VWA8: variants seen among roughly 807,000 people sequenced by gnomAD.
The protein encoded by VWA8 is von Willebrand factor A domain-containing protein 8.
VWA8 carries 221 observed loss-of-function variants against 241.5 expected under a neutral mutation model. That is an observed-to-expected ratio of 0.91 (90% CI 0.82 to 1.02). The LOEUF is 1.02. Ranked by LOEUF, VWA8 falls within the 50% of genes least tolerant of loss-of-function variation. VWA8 has a pLI of 0.00. For missense variants in VWA8, 2,322 were observed against 2,328.7 expected, an observed-to-expected ratio of 1.00 and a Z score of 0.06; for synonymous variants, 852 against 827.1, an observed-to-expected ratio of 1.03 and a Z score of -0.52.
intron 21 of VWA8, among the ~76,000 whole-genome samples, chr13:41,743,510 C>T (rs1218084535): frequency 2.6e-5 from 4 of 152,188 alleles, no homozygotes; most frequent in Non-Finnish European, 5.9e-5. Context: ...ATCAAATCTG[C>T]ATTGGGTCAA....
intron 1 of VWA8, among the ~76,000 whole-genome samples, chr13:41,959,582 C>T (rs557328404): frequency 7.7e-6 from 1 of 129,380 alleles, no homozygotes; most frequent in African/African-American, 2.8e-5. Context: ...ATGAATAAAA[C>T]GAAATACGTG....
intron 26 of VWA8, among the ~76,000 whole-genome samples, chr13:41,710,883 T>A (rs1160597235): frequency 1.3e-5 from 2 of 152,186 alleles, no homozygotes; most frequent in Non-Finnish European, 2.9e-5. Flanking sequence ...CTCTGATACT[T>A]TGAAGACTCC....
At position 41,865,935 on chromosome 13, in the gene VWA8, G is replaced by T. The variant is rs775444732; in HGVS notation, c.1314C>A (p.His438Gln). 1 of 1,614,220 alleles carries T rather than the reference G, an allele frequency of 6.2e-7. No homozygotes were observed. The highest frequency in any genetic ancestry group is 8.5e-7 in the Non-Finnish European group (1 of 1,180,034). Reference protein sequence around the residue: ...KQLQAEMMQSHMVKDICLIGG... With the variant: ...KQLQAEMMQSQMVKDICLIGG... Reference sequence around the variant, plus strand: ...CAATTAAACATATATCTTTAACCATGTGAGACTGCATCATTTCAGCCTGTA... The same window carrying T: ...CAATTAAACATATATCTTTAACCATTTGAGACTGCATCATTTCAGCCTGTA... Residue 438 changes from histidine to glutamine, a missense_variant, in exon 11 of 45, where the codon CAC (histidine) becomes CAA (glutamine). Physicochemically the swap from His to Gln is conservative, Grantham distance 24. Transcript: ENST00000379310.
chr13:41,880,960 C>G (rs1874141984), intron 9 of VWA8, among the ~76,000 whole-genome samples: 2 of 152,314 alleles, frequency 1.3e-5, no homozygotes, highest in Middle Eastern at 3.4e-3. Context: ...TTAACTGCCA[C>G]TCTGATGGTT....
chr13:41,665,580 TAATGTAAGTACTTA>T (rs1368515230), intron 37 of VWA8, among the ~76,000 whole-genome samples: 1 of 151,942 alleles, frequency 6.6e-6, no homozygotes, highest in African/African-American at 2.4e-5. Context: ...AGTAAGTACT[TAATGTAAGTACTTA>T]AATGTAAGTG....
chr13:41,942,204 T>C (rs1196344386), intron 2 of VWA8, among the ~76,000 whole-genome samples: 2 of 152,116 alleles, frequency 1.3e-5, no homozygotes, highest in Non-Finnish European at 2.9e-5. Flanking sequence ...CCTATTAAAA[T>C]AACACACTTA....
At chr13:41,696,000 T>C (rs1204820557) in intron 29 of VWA8, 1 of 152,206 alleles carries the variant, frequency 6.6e-6, no homozygotes. Context: ...TTAAAATAAA[T>C]ATTCCAAATG....
At chr13:41,580,423 G>A (rs1156303847) in intron 42 of VWA8, among the ~76,000 whole-genome samples, 1 of 152,222 alleles carries the variant, frequency 6.6e-6, no homozygotes, top group African/African-American at 2.4e-5. Flanking sequence ...ACTGGAAAGA[G>A]ATTAATTGCA....
Position 41,816,735 on chromosome 13 carries a change from G to T in VWA8, c.1910C>A (p.Ser637Ter). The change falls in exon 16 of 45, where the codon TCA becomes TAA. Residue 637 changes from serine (S) to a stop codon, truncating the protein, a stop_gained. Coordinates refer to ENST00000379310, the MANE Select transcript of VWA8 (RefSeq NM_015058.2). LOFTEE classifies it high-confidence loss of function. Reference sequence around the variant, plus strand: ...TGTTTCTCTGAGTTTGTGTGTAAATGATAATAACTTATCCAGAGCTTCCTG... The same window carrying T: ...TGTTTCTCTGAGTTTGTGTGTAAATTATAATAACTTATCCAGAGCTTCCTG... The part of the protein sequence containing the change: ...VPQEALDKLL[S>*]FTHKLRETQD... 6.2e-7 allele frequency: 1 copy of T among 1,613,650 alleles called. No individual in the cohort carries two copies. The highest frequency in any genetic ancestry group is 1.1e-5 in the South Asian group (1 of 91,034).
intron 10 of VWA8, among the ~76,000 whole-genome samples, chr13:41,866,403 GTA>G (rs1491436749): frequency 6.7e-6 from 1 of 148,898 alleles, no homozygotes; most frequent in Non-Finnish European, 1.5e-5. Context: ...GTGTGTGTGT[GTA>G]TATGTGTGTG....
Position 41,891,438 on chromosome 13 carries a change from A to G in VWA8, c.633T>C (p.Arg211=). The G allele has an allele frequency of 6.2e-7, 1 of 1,614,160 alleles. No homozygotes were observed. Among genetic ancestry groups the G allele is most frequent in the South Asian group, 1.1e-5 (1 of 91,056 alleles). Residue 211 remains arginine, a synonymous_variant, in exon 5 of 45, where the codon CGT becomes CGC. Transcript: ENST00000379310. ...TTCTTACTCGGAGAAGTTTGTCGTAACGCTCAGCAGACATCAGGAAGCGTC... is the reference window on the plus strand; with the variant it reads ...TTCTTACTCGGAGAAGTTTGTCGTAGCGCTCAGCAGACATCAGGAAGCGTC... ...EDGRFLMSAE[R]YDKLLRDHTK... is the part of the protein sequence containing the mutation.
At chr13:41,751,181 A>G (rs2045653569) in intron 21 of VWA8, among the ~76,000 whole-genome samples, 1 of 152,224 alleles carries the variant, frequency 6.6e-6, no homozygotes, top group Admixed American at 6.5e-5. Context: ...GAGATCATCT[A>G]GAGGAGTCAA....
chr13:41,850,427 C>T (rs764962478), intron 12 of VWA8, among the ~76,000 whole-genome samples: 2 of 152,114 alleles, frequency 1.3e-5, no homozygotes, highest in Non-Finnish European at 2.9e-5. Context: ...CAGCTCATAC[C>T]CATGTACCCT....
intron 40 of VWA8, among the ~76,000 whole-genome samples, chr13:41,600,761 T>C (rs2044516124): frequency 6.6e-6 from 1 of 152,126 alleles, no homozygotes; most frequent in South Asian, 2.1e-4. Context: ...CCTGTGTCTC[T>C]TTCTGTCCTC....
At chr13:41,724,820 T>A (rs767849882) in intron 24 of VWA8, among the ~76,000 whole-genome samples, 1 of 152,296 alleles carries the variant, frequency 6.6e-6, no homozygotes, top group South Asian at 2.1e-4. Flanking sequence ...TGTTCAAGTA[T>A]TGTATAATTT....
intron 12 of VWA8, among the ~76,000 whole-genome samples, chr13:41,848,019 A>G (rs1285671698): frequency 1.3e-5 from 2 of 152,210 alleles, no homozygotes; most frequent in African/African-American, 4.8e-5. Context: ...ATTTTTGGAA[A>G]TGTTCATGGT....
chr13:41,571,604 C>T (rs1721866387), intron 43 of VWA8, among the ~76,000 whole-genome samples: 1 of 152,200 alleles, frequency 6.6e-6, no homozygotes, highest in South Asian at 2.1e-4. Flanking sequence ...CCTGCCTCCG[C>T]CTCCCGAGGT....
At chr13:41,952,642 A>G (rs1018211448) in intron 1 of VWA8, among the ~76,000 whole-genome samples, 20 of 152,168 alleles carry the variant, frequency 1.3e-4, no homozygotes, top group African/African-American at 4.8e-4. Flanking sequence ...CTCATTACAA[A>G]CATTCCCTGA....
chr13:41,732,127 G>A lies in VWA8; in HGVS notation c.2455C>T (p.Gln819Ter). 6.2e-7 allele frequency: 1 copy of A among 1,613,304 alleles called. No homozygotes were observed. The highest frequency in any genetic ancestry group is 8.5e-7 in the Non-Finnish European group (1 of 1,179,584). The change falls in exon 22 of 45, where the codon CAG (glutamine) becomes TAG (stop). Residue 819 changes from glutamine (Q) to a stop codon, truncating the protein, a stop_gained. Transcript: ENST00000379310. LOFTEE classifies it high-confidence loss of function. ...RDTTVQTLTL[Q>*]PSVKDGLIVY... ...ATAAGTCCGTCTTTAACCGAAGGCTGAAGCGTAAGAGTTTGTACTGTGGTA... is the reference window on the plus strand; with the variant it reads ...ATAAGTCCGTCTTTAACCGAAGGCTAAAGCGTAAGAGTTTGTACTGTGGTA...
Sources: gnomAD v4.1 joint callset for allele counts (sites outside exome capture counted in the v4.1 genomes callset) on GRCh38, gnomAD v4.1.1 for gene constraint, MANE v1.5 for transcripts, NCBI Gene and HGNC (gene_info 2026-07-23, HGNC 2026-07-21) for gene names.